The following LPCAT1 variants were observed in gnomAD, a reference collection of about 807,000 sequenced individuals.
LPCAT1 encodes 1-acylglycerol-3-phosphate O-acyltransferase.
Under a neutral mutation model 60.9 loss-of-function variants are expected in LPCAT1, and 23 were observed. That is an observed-to-expected ratio of 0.38 (90% confidence interval 0.27 to 0.53). The LOEUF (loss-of-function observed/expected upper bound fraction) is 0.53. Among genes scored for constraint, LPCAT1 ranks in the 20% least tolerant of loss-of-function variants. The probability of loss-of-function intolerance (pLI) is 0.82; values close to 1 mark genes in which losing one functional copy is unlikely to be tolerated. For missense variants in LPCAT1, 622 were observed against 723.6 expected, an observed-to-expected ratio of 0.86 and a Z score of 1.61; for synonymous variants, 340 against 301.1, an observed-to-expected ratio of 1.13 and a Z score of -1.34.
intron 12 of LPCAT1, among the ~76,000 whole-genome samples, chr5:1,468,037 GGGCTGCGCCTTCACCTCCACC>G (rs1384188108): frequency 2.0e-5 from 3 of 152,256 alleles, no homozygotes; most frequent in East Asian, 1.9e-4. Flanking sequence ...CTTCAGGGAG[GGGCTGCGCCTTCACCTCCACC>G]GGCTCCTCCT....
chr5:1,464,266 C>T (rs571063850), intron 13 of LPCAT1, among the ~76,000 whole-genome samples: 40 of 152,356 alleles, frequency 2.6e-4, no homozygotes, highest in African/African-American at 9.4e-4. Context: ...GCCGTCCTCA[C>T]AGAGCCTCGG....
Position 1,502,924 on chromosome 5 carries a change from T to A in LPCAT1, c.136-1321A>T, listed in dbSNP as rs923245706. On this transcript the variant is annotated intron_variant, in intron 1 of 13. Coordinates refer to ENST00000283415, the MANE Select transcript of LPCAT1 (RefSeq NM_024830.5). The surrounding 1 kb of genome is among the most constrained non-coding windows in gnomAD (Gnocchi z 5.5). ...GCCACATTTAAAGGGAATGACAATTTAATATACAGCTCATTTCGCCCGGTA... is the reference window on the plus strand; with the variant it reads ...GCCACATTTAAAGGGAATGACAATTAAATATACAGCTCATTTCGCCCGGTA... Among the ~76,000 whole-genome samples, 1 of 152,218 alleles carries A rather than the reference T, an allele frequency of 6.6e-6. No homozygotes were observed. The highest frequency in any genetic ancestry group is 2.4e-5 in the African/African-American group (1 of 41,436).
Position 1,463,672 on chromosome 5 carries a change from A to AGGC in LPCAT1, c.1581_1583dup (p.Pro528dup). 1 of 1,614,234 alleles carries AGGC rather than the reference A, an allele frequency of 6.2e-7. No individual in the cohort carries two copies. Among genetic ancestry groups the AGGC allele is most frequent in the African/African-American group, 1.3e-5 (1 of 75,070 alleles). ...GGTCCTAATCCAGCTTCTTGCGAACAGGCTTCCGCCCAGCGTCTGAGTTTT... is the reference window on the plus strand; with the variant it reads ...GGTCCTAATCCAGCTTCTTGCGAACAGGCGGCTTCCGCCCAGCGTCTGAGTTTT... On this transcript the variant is annotated inframe_insertion, in exon 14 of 14. Transcript: ENST00000283415.
chr5:1,480,486 G>T lies in LPCAT1; in HGVS notation c.761+456C>A, dbSNP rs1380997966. On this transcript the variant is annotated intron_variant, in intron 7 of 13. Coordinates refer to ENST00000283415, the MANE Select transcript of LPCAT1 (RefSeq NM_024830.5). The surrounding 1 kb of genome is among the most constrained non-coding windows in gnomAD (Gnocchi z 6.4). ...TGGGGCTCGTTCCCGTTTCCGTGGG[G>T]TTGTTCATTGTTGCATAACTGACCT... The T allele has an allele frequency of 2.4e-6, 1 of 424,426 alleles. No homozygotes were observed. Among genetic ancestry groups the T allele is most frequent in the Non-Finnish European group, 3.2e-6 (1 of 317,280 alleles). The allele number at this position is 424,426 out of a possible 1,614,324, so 26.3% of individuals were successfully genotyped here. A position where few individuals can be genotyped will look rare whatever the true frequency, so the allele number is the denominator to read the frequency against.
intron 8 of LPCAT1, among the ~76,000 whole-genome samples, chr5:1,478,696 G>A (rs1040793219): frequency 1.3e-5 from 2 of 152,400 alleles, no homozygotes; most frequent in East Asian, 3.8e-4. Context: ...TGAAAGCCGG[G>A]CTTATCAGTA....
chr5:1,462,427 C>T lies in LPCAT1; in HGVS notation c.*1224G>A, dbSNP rs897803441. Reference sequence around the variant, plus strand: ...TGACTCTAAGATGGGGCAGGACCCCCGCTCTCAGTGGGATGTGCCCGCGAC... The same window carrying T: ...TGACTCTAAGATGGGGCAGGACCCCTGCTCTCAGTGGGATGTGCCCGCGAC... On this transcript the variant is annotated 3_prime_UTR_variant, in exon 14 of 14. Transcript: ENST00000283415. 3.9e-5 allele frequency: 6 copies of T among 152,410 alleles called. No homozygotes were observed. In the East Asian group the frequency reaches 7.7e-4, roughly 20 times the overall value. The allele number at this position is 152,410 out of a possible 1,614,324, so 9.4% of individuals were successfully genotyped here.
intron 3 of LPCAT1, among the ~76,000 whole-genome samples, chr5:1,492,806 G>C (rs1735639697): frequency 6.6e-6 from 1 of 152,150 alleles, no homozygotes. Flanking sequence ...GAGGCACCAA[G>C]GGCACAGGGA....
At chr5:1,510,784 C>T (rs866832310) in intron 1 of LPCAT1, 58 of 152,458 alleles carry the variant, frequency 3.8e-4, no homozygotes, top group African/African-American at 1.4e-3. Flanking sequence ...GCCGCCTGGG[C>T]CGTGGTGCTG....
chr5:1,477,393 T>C lies in LPCAT1; in HGVS notation c.899+11A>G, dbSNP rs1169711293. 5.0e-6 allele frequency: 8 copies of C among 1,613,014 alleles called. No individual in the cohort carries two copies. In the Admixed American group the frequency reaches 1.2e-4, roughly 24 times the overall value. ...CTGACTCGGCGATGGGGGAAGGAGC[T>C]GCTCACTTACTCGGCCATGACTCGC... is the stretch of plus-strand genomic sequence containing the variant. On this transcript the variant is annotated intron_variant, in intron 9 of 13. Coordinates refer to ENST00000283415, the MANE Select transcript of LPCAT1 (RefSeq NM_024830.5). The surrounding 1 kb of genome is among the most constrained non-coding windows in gnomAD (Gnocchi z 6.0).
intron 2 of LPCAT1, among the ~76,000 whole-genome samples, chr5:1,497,534 G>A (rs1735840112): frequency 6.6e-6 from 1 of 152,274 alleles, no homozygotes; most frequent in African/African-American, 2.4e-5. Context: ...GGGGCCCTGG[G>A]GCCACGTCTG....
chr5:1,518,692 G>T (rs939082257), intron 1 of LPCAT1, among the ~76,000 whole-genome samples: 2 of 152,240 alleles, frequency 1.3e-5, no homozygotes, highest in Non-Finnish European at 2.9e-5. Context: ...CCATGGCTGT[G>T]AACAGCAAGC....
Position 1,496,218 on chromosome 5 carries a change from G to A in LPCAT1, c.279-1304C>T, listed in dbSNP as rs1474878464. ...TCTACTAAAAATACAAAAATTAGCT[G>A]GGCATGGTGGCAGGCGTCTGTAATC... is the stretch of plus-strand genomic sequence containing the variant. On this transcript the variant is annotated intron_variant, in intron 2 of 13. Coordinates refer to ENST00000283415, the MANE Select transcript of LPCAT1 (RefSeq NM_024830.5). This position sits in a 1 kb window ranked among gnomAD's most constrained non-coding sequence, Gnocchi z 4.7. Among the ~76,000 whole-genome samples, 1 of 152,004 alleles carries A rather than the reference G, an allele frequency of 6.6e-6. No individual in the cohort carries two copies. The highest frequency in any genetic ancestry group is 1.5e-5 in the Non-Finnish European group (1 of 67,980).
chr5:1,511,972 G>C (rs1449527422), intron 1 of LPCAT1, among the ~76,000 whole-genome samples: 1 of 152,228 alleles, frequency 6.6e-6, no homozygotes, highest in Non-Finnish European at 1.5e-5. Flanking sequence ...CTTGGGAGGA[G>C]CATCACTTCC....
At position 1,463,797 on chromosome 5, in the gene LPCAT1, C is replaced by T. The variant is rs1734208933; in HGVS notation, c.1459G>A (p.Ala487Thr). The change falls in exon 14 of 14, where the codon GCA becomes ACA. Residue 487 changes from alanine to threonine, a missense_variant. Physicochemically the swap from Ala to Thr is moderately conservative, Grantham distance 58. This residue lies in a region of LPCAT1 where 288 missense variants were observed against 283.6 expected (regional missense o/e 1.02). Transcript: ENST00000283415. ...HRFAEMYPAF[A>T]EEYLYPDQTH... ...TGATCCGGGTACAGGTATTCCTCTG[C>T]GAAGGCAGGGTACATTTCTGCAAAC... is the stretch of plus-strand genomic sequence containing the variant. 6.2e-7 allele frequency: 1 copy of T among 1,614,170 alleles called. No homozygotes were observed. The highest frequency in any genetic ancestry group is 8.5e-7 in the Non-Finnish European group (1 of 1,180,034).
At chr5:1,503,530 CCT>C (rs1736091432) in intron 1 of LPCAT1, among the ~76,000 whole-genome samples, 2 of 152,214 alleles carry the variant, frequency 1.3e-5, no homozygotes, top group African/African-American at 2.4e-5. Context: ...TGTGCAGCTC[CCT>C]GTTAGGATTG....
At chr5:1,514,980 G>T (rs1736462500) in intron 1 of LPCAT1, among the ~76,000 whole-genome samples, 1 of 152,196 alleles carries the variant, frequency 6.6e-6, no homozygotes, top group African/African-American at 2.4e-5. Context: ...ATTTCTAGCT[G>T]CTTGCATTTG....
At chr5:1,519,736 TG>T (rs1736614783) in intron 1 of LPCAT1, among the ~76,000 whole-genome samples, 1 of 152,238 alleles carries the variant, frequency 6.6e-6, no homozygotes, top group African/African-American at 2.4e-5. Flanking sequence ...GGGCCTCTAC[TG>T]GGCCAAAACA....
chr5:1,495,194 T>A lies in LPCAT1; in HGVS notation c.279-280A>T, dbSNP rs1735742339. Among the ~76,000 whole-genome samples, 1 of 152,178 alleles carries A rather than the reference T, an allele frequency of 6.6e-6. No individual in the cohort carries two copies. ...CGCGGCAGGCAGTGCTAAGACAACATGAGACTCCGGAACACAGACAGCACA... is the reference window on the plus strand; with the variant it reads ...CGCGGCAGGCAGTGCTAAGACAACAAGAGACTCCGGAACACAGACAGCACA... On this transcript the variant is annotated intron_variant, in intron 2 of 13. Transcript: ENST00000283415. This position sits in a 1 kb window ranked among gnomAD's most constrained non-coding sequence, Gnocchi z 4.7.
intron 13 of LPCAT1, among the ~76,000 whole-genome samples, chr5:1,465,800 AAAG>A (rs371279141): frequency 1.3e-3 from 205 of 151,900 alleles, no homozygotes; most frequent in African/African-American, 3.3e-3. Flanking sequence ...TTCAATACTA[AAAG>A]AAGCACGCAC....
Sources: allele counts gnomAD v4.1 joint callset (sites outside exome capture counted in the v4.1 genomes callset), GRCh38; gene constraint gnomAD v4.1.1; regional missense constraint gnomAD v4.1.1; non-coding constraint Gnocchi (gnomAD v3.1); transcripts MANE v1.5; gene names NCBI Gene and HGNC (gene_info 2026-07-23, HGNC 2026-07-21).